The following KLF6 variants were observed in gnomAD, a reference collection of about 807,000 sequenced individuals.
KLF6 encodes Krueppel-like factor 6.
For missense variants in KLF6, 233 were observed against 359.8 expected (o/e 0.65, Z 2.85); for synonymous variants, 152 against 147.9 (o/e 1.03, Z -0.20).
At position 3,776,134 on chromosome 10, in the gene KLF6, T is replaced by TGGCTGGGGAAGGTAGGCCC; in HGVS notation, c.*3386_*3404dup. The TGGCTGGGGAAGGTAGGCCC allele has an allele frequency of 1.9e-6, 1 of 530,274 alleles. No individual in the cohort carries two copies. Among genetic ancestry groups the TGGCTGGGGAAGGTAGGCCC allele is most frequent in the Non-Finnish European group, 3.7e-6 (1 of 273,686 alleles). The allele number at this position is 530,274 out of a possible 1,614,324, so 32.8% of individuals were successfully genotyped here. A position where few individuals can be genotyped will look rare whatever the true frequency, so the allele number is the denominator to read the frequency against. Reference sequence around the variant, plus strand: ...GCCTCAGCCAGGTGTGTGGCAGGGCTGGCTGGGGAAGGTAGGCCCAGCTCT... The same window carrying TGGCTGGGGAAGGTAGGCCC: ...GCCTCAGCCAGGTGTGTGGCAGGGCTGGCTGGGGAAGGTAGGCCCGGCTGGGGAAGGTAGGCCCAGCTCT... On this transcript the variant is annotated 3_prime_UTR_variant, in exon 4 of 4. Coordinates refer to ENST00000497571, the MANE Select transcript of KLF6 (RefSeq NM_001300.6).
chr10:3,779,666 C>A, intron 3 of KLF6, 76 bp from the exon 4 acceptor site: 1 of 1,329,904 alleles, frequency 7.5e-7, no homozygotes, highest in Admixed American at 1.8e-5. Flanking sequence ...GCGCCCTCAC[C>A]TCCCTGCCCT....
rs2129439 is a variant in KLF6 at position 3,776,305 on chromosome 10, C to G, written c.*3234G>C. 1.3e-5 allele frequency: 7 copies of G among 532,626 alleles called. No individual in the cohort carries two copies. Among genetic ancestry groups the G allele is most frequent in the African/African-American group, 1.3e-4 (7 of 53,640 alleles). The allele number at this position is 532,626 out of a possible 1,614,324, so 33.0% of individuals were successfully genotyped here. ...CATGGTTCCCTACTGTGCCCACAGC[C>G]GGGGGGTTGTTTTTGTCAGTCCTTG... On this transcript the variant is annotated 3_prime_UTR_variant, in exon 4 of 4. Coordinates refer to ENST00000497571, the MANE Select transcript of KLF6 (RefSeq NM_001300.6).
Position 3,778,440 on chromosome 10 carries a change from A to C in KLF6, c.*1099T>G. On this transcript the variant is annotated 3_prime_UTR_variant, in exon 4 of 4. Transcript: ENST00000497571. ...CAACTGAGAAAAATTTTAGGTTCTT[A>C]AGTCTAATGAAACATTAGACCAGCA... 2 of 525,662 alleles carry C rather than the reference A, an allele frequency of 3.8e-6. No homozygotes were observed. The highest frequency in any genetic ancestry group is 7.4e-6 in the Non-Finnish European group (2 of 270,844). The allele number at this position is 525,662 out of a possible 1,614,324, so 32.6% of individuals were successfully genotyped here.
chr10:3,776,919 GTTTTTTTTTTTCCT>G lies in KLF6; in HGVS notation c.*2606_*2619del. On this transcript the variant is annotated 3_prime_UTR_variant, in exon 4 of 4. Transcript: ENST00000497571. ...TCGTAAGTGAGACAAGCCAGTGCAA[GTTTTTTTTTTTCCT>G]TTTTTTTTTTTTGTCTTTTGCTTAC... 2.3e-6 allele frequency: 1 copy of G among 432,478 alleles called. No homozygotes were observed. 26.8% of individuals were successfully genotyped at this position (432,478 alleles called of 1,614,324 possible). A position where few individuals can be genotyped will look rare whatever the true frequency, so the allele number is the denominator to read the frequency against.
At position 3,785,188 on chromosome 10, in the gene KLF6, TTGCAAACACCGGACTGAC is replaced by T; in HGVS notation, c.-192_-175del. Reference sequence around the variant, plus strand: ...GCAGCGCGCGGAGCCCACACAATATTTGCAAACACCGGACTGACTGCAAACGTAACCCCTGCAAAACTT... The same window carrying T: ...GCAGCGCGCGGAGCCCACACAATATTTGCAAACGTAACCCCTGCAAAACTT... On this transcript the variant is annotated 5_prime_UTR_variant, in exon 1 of 4. Coordinates refer to ENST00000497571, the MANE Select transcript of KLF6 (RefSeq NM_001300.6). 4 of 1,354,114 alleles carry T rather than the reference TTGCAAACACCGGACTGAC, an allele frequency of 3.0e-6. No homozygotes were observed. The highest frequency in any genetic ancestry group is 4.1e-6 in the Non-Finnish European group (4 of 984,238). 83.9% of individuals were successfully genotyped at this position (1,354,114 alleles called of 1,614,324 possible).
intron 1 of KLF6, among the ~76,000 whole-genome samples, chr10:3,784,491 C>G (rs1279761058): frequency 1.3e-5 from 2 of 151,748 alleles, no homozygotes; most frequent in Non-Finnish European, 2.9e-5. Context: ...GAGAGCTGGT[C>G]TACGTTCTGG....
rs113717453 is a variant in KLF6 at position 3,779,217 on chromosome 10, G to A, written c.*322C>T. On this transcript the variant is annotated 3_prime_UTR_variant, in exon 4 of 4. Coordinates refer to ENST00000497571, the MANE Select transcript of KLF6 (RefSeq NM_001300.6). ...GGAAAAAAAGTTGGCCTCATCATAC[G>A]GTCAGTAATAGATCCTCAACATACA... 4 of 567,442 alleles carry A rather than the reference G, an allele frequency of 7.0e-6. No homozygotes were observed. The East Asian group carries it at 1.1e-4, about 16-fold the overall frequency. 35.2% of individuals were successfully genotyped at this position (567,442 alleles called of 1,614,324 possible).
chr10:3,777,568 C>T lies in KLF6; in HGVS notation c.*1971G>A, dbSNP rs572718649. ...GATGGACAGAGCAGACAGCCCGGAA[C>T]AGATTCAAGCAAGAAAGTCCTCCGC... On this transcript the variant is annotated 3_prime_UTR_variant, in exon 4 of 4. Transcript: ENST00000497571. The T allele has an allele frequency of 2.3e-4, 120 of 510,832 alleles. 1 individual carries two copies. Among genetic ancestry groups the T allele is most frequent in the Middle Eastern group, 1.1e-3 (2 of 1,792 alleles). The allele number at this position is 510,832 out of a possible 1,614,324, so 31.6% of individuals were successfully genotyped here.
chr10:3,782,152 G>C lies in KLF6; in HGVS notation c.165C>G (p.Ile55Met). ...SEPCYVSASE[I>M]KFDSQEDLWT... Reference sequence around the variant, plus strand: ...ACAGATCTTCCTGGCTGTCAAATTTGATTTCTGAGGCTGAAACATAGCAGG... The same window carrying C: ...ACAGATCTTCCTGGCTGTCAAATTTCATTTCTGAGGCTGAAACATAGCAGG... Residue 55 changes from isoleucine (I) to methionine (M), a missense_variant, in exon 2 of 4, where the codon ATC becomes ATG. Physicochemically the swap from Ile to Met is conservative, Grantham distance 10. Transcript: ENST00000497571. The surrounding 1 kb of genome is among the most constrained non-coding windows in gnomAD (Gnocchi z 4.3). 1 of 1,613,192 alleles carries C rather than the reference G, an allele frequency of 6.2e-7. No individual in the cohort carries two copies. Among genetic ancestry groups the C allele is most frequent in the Non-Finnish European group, 8.5e-7 (1 of 1,180,020 alleles).
At position 3,781,777 on chromosome 10, in the gene KLF6, C is replaced by CGAA; in HGVS notation, c.537_539dup (p.Ser180dup). ...CATTTCCCTTGTCACCTGGCTTCCC[C>CGAA]GAAGTCCCGCTGCGCACCTTCCCTG... On this transcript the variant is annotated inframe_insertion, in exon 2 of 4. Transcript: ENST00000497571. This position sits in a 1 kb window ranked among gnomAD's most constrained non-coding sequence, Gnocchi z 5.8. The CGAA allele has an allele frequency of 6.2e-7, 1 of 1,614,250 alleles. No individual in the cohort carries two copies. Among genetic ancestry groups the CGAA allele is most frequent in the Non-Finnish European group, 8.5e-7 (1 of 1,180,048 alleles).
rs1333372072 is a variant in KLF6 at position 3,776,432 on chromosome 10, G to C, written c.*3107C>G. On this transcript the variant is annotated 3_prime_UTR_variant, in exon 4 of 4. Coordinates refer to ENST00000497571, the MANE Select transcript of KLF6 (RefSeq NM_001300.6). ...TGGAAAGAGGAAGGGGCTGAGGTCGGTGAGTTGTTCTCAGGGTTGCTCAAT... is the reference window on the plus strand; with the variant it reads ...TGGAAAGAGGAAGGGGCTGAGGTCGCTGAGTTGTTCTCAGGGTTGCTCAAT... The C allele has an allele frequency of 1.9e-6, 1 of 532,194 alleles. No homozygotes were observed. Among genetic ancestry groups the C allele is most frequent in the South Asian group, 1.5e-5 (1 of 65,148 alleles). 33.0% of individuals were successfully genotyped at this position (532,194 alleles called of 1,614,324 possible).
Position 3,780,305 on chromosome 10 carries a change from C to T in KLF6, c.677-76G>A, listed in dbSNP as rs1050572221. 3 of 1,581,584 alleles carry T rather than the reference C, an allele frequency of 1.9e-6. No individual in the cohort carries two copies. Among genetic ancestry groups the T allele is most frequent in the African/African-American group, 2.7e-5 (2 of 74,430 alleles). On this transcript the variant is annotated intron_variant, in intron 2 of 3. Transcript: ENST00000497571. This position sits in a 1 kb window ranked among gnomAD's most constrained non-coding sequence, Gnocchi z 4.6. ...CGGAAAGGGGAAATTCAACAACACACACAGTGGTGGGATGCAAGGCCAGGG... is the reference window on the plus strand; with the variant it reads ...CGGAAAGGGGAAATTCAACAACACATACAGTGGTGGGATGCAAGGCCAGGG...
At position 3,776,814 on chromosome 10, in the gene KLF6, T is replaced by G. The variant is rs1276881634; in HGVS notation, c.*2725A>C. The stretch of plus-strand genomic sequence containing the variant: ...CACCTGAACAGAATGTACTTCTTTA[T>G]GTACGTGCTAATTATGAAAATCACA... On this transcript the variant is annotated 3_prime_UTR_variant, in exon 4 of 4. Transcript: ENST00000497571. 1 of 523,542 alleles carries G rather than the reference T, an allele frequency of 1.9e-6. No individual in the cohort carries two copies. Among genetic ancestry groups the G allele is most frequent in the Non-Finnish European group, 3.7e-6 (1 of 269,858 alleles). The allele number at this position is 523,542 out of a possible 1,614,324, so 32.4% of individuals were successfully genotyped here.
chr10:3,777,157 A>AC lies in KLF6; in HGVS notation c.*2381_*2382insG, dbSNP rs1471387524. On this transcript the variant is annotated 3_prime_UTR_variant, in exon 4 of 4. Coordinates refer to ENST00000497571, the MANE Select transcript of KLF6 (RefSeq NM_001300.6). ...AAAAAAAACCAGTTATGTGAGCGTT[A>AC]GTCACTGCTCATTTCCAGGAAGATC... 1.9e-6 allele frequency: 1 copy of AC among 513,002 alleles called. No individual in the cohort carries two copies. Among genetic ancestry groups the AC allele is most frequent in the Non-Finnish European group, 3.8e-6 (1 of 263,042 alleles). 31.8% of individuals were successfully genotyped at this position (513,002 alleles called of 1,614,324 possible).
Position 3,778,066 on chromosome 10 carries a change from T to C in KLF6, c.*1473A>G. ...TGGTCAGATTTTTCCATTTTCCTGT[T>C]TTCCATTTTAACACTGACAGTCAAG... On this transcript the variant is annotated 3_prime_UTR_variant, in exon 4 of 4. Transcript: ENST00000497571. 9.7e-6 allele frequency: 5 copies of C among 514,328 alleles called. No individual in the cohort carries two copies. Among genetic ancestry groups the C allele is most frequent in the Non-Finnish European group, 1.9e-5 (5 of 263,756 alleles). The allele number at this position is 514,328 out of a possible 1,614,324, so 31.9% of individuals were successfully genotyped here. A position where few individuals can be genotyped will look rare whatever the true frequency, so the allele number is the denominator to read the frequency against.
chr10:3,778,586 A>G lies in KLF6; in HGVS notation c.*953T>C, dbSNP rs929988523. On this transcript the variant is annotated 3_prime_UTR_variant, in exon 4 of 4. Transcript: ENST00000497571. Reference sequence around the variant, plus strand: ...TTTAAAAATAATCCTGTGTTGCACAATGCCTTTCTGGAAGGGGAGTGTTAC... The same window carrying G: ...TTTAAAAATAATCCTGTGTTGCACAGTGCCTTTCTGGAAGGGGAGTGTTAC... 1.7e-5 allele frequency: 9 copies of G among 517,628 alleles called. No individual in the cohort carries two copies. The highest frequency in any genetic ancestry group is 1.7e-4 in the African/African-American group (9 of 52,866). 32.1% of individuals were successfully genotyped at this position (517,628 alleles called of 1,614,324 possible). A position where few individuals can be genotyped will look rare whatever the true frequency, so the allele number is the denominator to read the frequency against.
At position 3,778,659 on chromosome 10, in the gene KLF6, AG is replaced by A. The variant is rs1158208545; in HGVS notation, c.*879del. On this transcript the variant is annotated 3_prime_UTR_variant, in exon 4 of 4. Coordinates refer to ENST00000497571, the MANE Select transcript of KLF6 (RefSeq NM_001300.6). ...TGTATATTGCCAGGCCCGGATGGCT[AG>A]GGGGTCACTGTATTAGACAGATTGG... is the stretch of plus-strand genomic sequence containing the variant. The A allele has an allele frequency of 7.7e-6, 4 of 519,958 alleles. No individual in the cohort carries two copies. The highest frequency in any genetic ancestry group is 5.6e-5 in the African/African-American group (3 of 53,142). 32.2% of individuals were successfully genotyped at this position (519,958 alleles called of 1,614,324 possible). A position where few individuals can be genotyped will look rare whatever the true frequency, so the allele number is the denominator to read the frequency against.
Position 3,785,145 on chromosome 10 carries a change from C to T in KLF6, c.-131G>A, listed in dbSNP as rs1253996275. The T allele has an allele frequency of 7.2e-6, 11 of 1,524,042 alleles. No homozygotes were observed. The highest frequency in any genetic ancestry group is 1.4e-5 in the African/African-American group (1 of 72,690). The allele number at this position is 1,524,042 out of a possible 1,614,324, so 94.4% of individuals were successfully genotyped here. On this transcript the variant is annotated 5_prime_UTR_variant, in exon 1 of 4. Transcript: ENST00000497571. ...CTCCAGGCTCGCAGAGACGCCCGGC[C>T]GGACCCTCCCGCAGCCCGCAGCGCG...
rs1436475311 is a variant in KLF6, at chr10:3,785,207, T to C, written c.-193A>G. The C allele has an allele frequency of 6.7e-6, 8 of 1,201,100 alleles. No homozygotes were observed. Among genetic ancestry groups the C allele is most frequent in the Non-Finnish European group, 9.4e-6 (8 of 847,542 alleles). The allele number at this position is 1,201,100 out of a possible 1,614,324, so 74.4% of individuals were successfully genotyped here. Reference sequence around the variant, plus strand: ...CAATATTTGCAAACACCGGACTGACTGCAAACGTAACCCCTGCAAAACTTC... The same window carrying C: ...CAATATTTGCAAACACCGGACTGACCGCAAACGTAACCCCTGCAAAACTTC... On this transcript the variant is annotated 5_prime_UTR_variant, in exon 1 of 4. Transcript: ENST00000497571.
Sources: gnomAD v4.1 joint callset for allele counts (sites outside exome capture counted in the v4.1 genomes callset) on GRCh38, gnomAD v4.1.1 for gene constraint, Gnocchi (gnomAD v3.1) non-coding constraint, MANE v1.5 for transcripts, NCBI Gene and HGNC (gene_info 2026-07-23, HGNC 2026-07-21) for gene names.